RBM6: variants seen among roughly 807,000 people sequenced by gnomAD.
RBM6 encodes RNA-binding protein 6.
RBM6 carries 23 observed loss-of-function variants against 140.4 expected under a neutral mutation model. That is an observed-to-expected ratio of 0.16 (90% CI 0.12 to 0.23). The LOEUF (loss-of-function observed/expected upper bound fraction) is 0.23. Ranked by LOEUF, RBM6 falls within the 10% of genes least tolerant of loss-of-function variation. RBM6 has a pLI of 1.00. For missense variants in RBM6, 1,139 were observed against 1,386.7 expected (o/e 0.82, Z 2.84); for synonymous variants, 439 against 475.6 (o/e 0.92, Z 1.00).
At chr3:49,962,431 C>CAA (rs201474763) in intron 1 of RBM6, 145 bp from the exon 2 acceptor site, 1,076 of 428,098 alleles carry the variant, frequency 2.5e-3, no homozygotes, top group Non-Finnish European at 2.8e-3. Flanking sequence ...GACTCCATCT[C>CAA]AAAAAAAAAA....
At position 49,968,197 on chromosome 3, in the gene RBM6, A is replaced by G. The variant is rs776369279; in HGVS notation, c.772A>G (p.Arg258Gly). 7 of 1,614,180 alleles carry G rather than the reference A, an allele frequency of 4.3e-6. No individual in the cohort carries two copies. The highest frequency in any genetic ancestry group is 5.9e-6 in the Non-Finnish European group (7 of 1,180,034). Residue 258 changes from arginine (R) to glycine (G), a missense_variant, in exon 3 of 21, where the codon AGA becomes GGA. Coordinates refer to ENST00000266022, the MANE Select transcript of RBM6 (RefSeq NM_005777.3). The part of the protein sequence containing the change: ...RDRDTPHSDF[R>G]GRHRSRTDQD... Reference sequence around the variant, plus strand: ...CAGGGATACGCCACATTCAGATTTCAGAGGTAGACACCGATCTAGGACTGA... The same window carrying G: ...CAGGGATACGCCACATTCAGATTTCGGAGGTAGACACCGATCTAGGACTGA...
rs954114451 is a variant in RBM6 at position 50,054,410 on chromosome 3, T to C, written c.1693+15T>C. On this transcript the variant is annotated intron_variant, in intron 8 of 20. Coordinates refer to ENST00000266022, the MANE Select transcript of RBM6 (RefSeq NM_005777.3). The stretch of plus-strand genomic sequence containing the variant: ...CCCAAGAGAAGGTGAGTGGCGAAAG[T>C]GGTAGCAGTTTTTATCTCGTGCATT... The C allele has an allele frequency of 2.5e-6, 4 of 1,600,956 alleles. No individual in the cohort carries two copies. In the Admixed American group the frequency reaches 5.0e-5, roughly 20 times the overall value.
intron 6 of RBM6, among the ~76,000 whole-genome samples, chr3:50,010,820 T>TAC (rs1425776569): frequency 7.2e-6 from 1 of 139,796 alleles, no homozygotes; most frequent in African/African-American, 2.7e-5. Flanking sequence ...GGAGAATTGC[T>TAC]TGAACTCAGG....
chr3:50,035,691 T>A (rs936339371), intron 6 of RBM6, among the ~76,000 whole-genome samples: 2 of 151,768 alleles, frequency 1.3e-5, no homozygotes, highest in Non-Finnish European at 1.5e-5. Flanking sequence ...CAAAAAAAAA[T>A]AAATAAAAAA....
intron 6 of RBM6, among the ~76,000 whole-genome samples, chr3:50,006,593 C>T (rs1276447828): frequency 6.6e-6 from 1 of 152,170 alleles, no homozygotes; most frequent in African/African-American, 2.4e-5. Flanking sequence ...CGTACTCTCA[C>T]ACACATCTAG....
At chr3:49,945,977 G>A (rs149800697) in intron 1 of RBM6, among the ~76,000 whole-genome samples, 20 of 151,870 alleles carry the variant, frequency 1.3e-4, no homozygotes, top group African/African-American at 4.6e-4. Flanking sequence ...GATACCAGGA[G>A]TGCGTGTACA....
At chr3:49,958,532 C>T (rs936930170) in intron 1 of RBM6, among the ~76,000 whole-genome samples, 4 of 151,600 alleles carry the variant, frequency 2.6e-5, no homozygotes, top group African/African-American at 7.3e-5. Flanking sequence ...GCCAAGATCA[C>T]GCCACTGCAC....
At chr3:50,074,543 A>G (rs991477598) in intron 19 of RBM6, among the ~76,000 whole-genome samples, 2 of 151,858 alleles carry the variant, frequency 1.3e-5, no homozygotes, top group African/African-American at 2.4e-5. Flanking sequence ...CTGGTCACGA[A>G]CTCCCAACCT....
At chr3:49,997,146 C>A (rs1392531475) in intron 5 of RBM6, among the ~76,000 whole-genome samples, 3 of 151,752 alleles carry the variant, frequency 2.0e-5, no homozygotes, top group African/African-American at 7.3e-5. Context: ...AACCATGAGT[C>A]TTGAACACAC....
intron 2 of RBM6, among the ~76,000 whole-genome samples, chr3:49,963,469 A>T (rs533492189): frequency 1.3e-5 from 2 of 152,316 alleles, no homozygotes; most frequent in African/African-American, 4.8e-5. Context: ...GAAGGAATAC[A>T]TATTTGGCTA....
At chr3:49,983,459 A>G (rs1173117474) in intron 5 of RBM6, among the ~76,000 whole-genome samples, 6 of 107,524 alleles carry the variant, frequency 5.6e-5, no homozygotes, top group African/African-American at 1.6e-4. Context: ...CAAAAAAAGG[A>G]AAAAAAAAAG....
chr3:49,961,930 C>T (rs867586914), intron 1 of RBM6, among the ~76,000 whole-genome samples: 8 of 150,626 alleles, frequency 5.3e-5, no homozygotes, highest in South Asian at 2.1e-4. Flanking sequence ...CCGAGGCGGG[C>T]GGACTGCTTG....
At chr3:49,950,393 G>A (rs1333269585) in intron 1 of RBM6, among the ~76,000 whole-genome samples, 1 of 152,124 alleles carries the variant, frequency 6.6e-6, no homozygotes, top group Non-Finnish European at 1.5e-5. Flanking sequence ...TGCTAGAGGT[G>A]CAATTCCTGG....
intron 7 of RBM6, among the ~76,000 whole-genome samples, chr3:50,049,245 A>G (rs1006784189): frequency 4.0e-5 from 6 of 151,176 alleles, no homozygotes; most frequent in Admixed American, 2.6e-4. Context: ...AGTAGCTAGG[A>G]TTACAGTTGT....
At chr3:49,961,236 C>T (rs1011177177) in intron 1 of RBM6, among the ~76,000 whole-genome samples, 7 of 152,080 alleles carry the variant, frequency 4.6e-5, no homozygotes, top group Non-Finnish European at 1.0e-4. Flanking sequence ...TGCCACCACA[C>T]CTGGCTAATT....
chr3:50,048,141 A>G (rs1376734470), intron 6 of RBM6, 104 bp from the exon 7 acceptor site: 2 of 1,508,894 alleles, frequency 1.3e-6, no homozygotes, highest in African/African-American at 2.8e-5. Context: ...CTCACTCTTT[A>G]TAAAATGTTT....
intron 1 of RBM6, among the ~76,000 whole-genome samples, chr3:49,944,870 A>G (rs1349839528): frequency 6.7e-6 from 1 of 149,152 alleles, no homozygotes; most frequent in Non-Finnish European, 1.5e-5. Flanking sequence ...TTCTATGTGT[A>G]ATTTTTTTTT....
chr3:49,946,025 GCTGC>G (rs1158500198), intron 1 of RBM6, among the ~76,000 whole-genome samples: 1 of 152,000 alleles, frequency 6.6e-6, no homozygotes, highest in Non-Finnish European at 1.5e-5. Flanking sequence ...GTAGAAGGGG[GCTGC>G]CTGCAAGCCA....
rs62262136 is a variant in RBM6 at position 49,973,668 on chromosome 3, C to T, written c.1413+1520C>T. Among the ~76,000 whole-genome samples the T allele has an allele frequency of 8.0e-5, 12 of 149,324 alleles. No individual in the cohort carries two copies. In the East Asian group the frequency reaches 2.4e-3, roughly 29 times the overall value. Reference sequence around the variant, plus strand: ...TGGCGCGATCTCGGCTCACTGCAACCTCTGCCGCCAGGGTTCAAGAGATTC... The same window carrying T: ...TGGCGCGATCTCGGCTCACTGCAACTTCTGCCGCCAGGGTTCAAGAGATTC... On this transcript the variant is annotated intron_variant, in intron 4 of 20. Transcript: ENST00000266022.
Sources: allele counts gnomAD v4.1 joint callset (sites outside exome capture counted in the v4.1 genomes callset), GRCh38; gene constraint gnomAD v4.1.1; transcripts MANE v1.5; gene names NCBI Gene and HGNC (gene_info 2026-07-23, HGNC 2026-07-21).